Variants in MYO1B observed in about 807,000 individuals in gnomAD.
The protein encoded by MYO1B is myosin IB.
MYO1B carries 72 observed loss-of-function variants against 159.7 expected under a neutral mutation model. The ratio of observed to expected loss-of-function variants is 0.45; its 90% CI spans 0.37 to 0.55. The LOEUF (loss-of-function observed/expected upper bound fraction) is 0.55, where lower values mean the gene tolerates loss of function less well. Ranked by LOEUF, MYO1B falls within the 20% of genes least tolerant of loss-of-function variation. The pLI is 0.00. For missense variants in MYO1B, 1,062 were observed against 1,364.8 expected (o/e 0.78, Z 3.50); for synonymous variants, 468 against 473.8 (o/e 0.99, Z 0.16).
chr2:191,265,713 C>A (rs116385676), intron 1 of MYO1B, among the ~76,000 whole-genome samples: 4 of 152,132 alleles, frequency 2.6e-5, no homozygotes, highest in Non-Finnish European at 4.4e-5. Context: ...CTCGAAGGAA[C>A]GCATTGAAAA....
At chr2:191,359,312 G>GTGTT (rs1693508942) in intron 7 of MYO1B, among the ~76,000 whole-genome samples, 1 of 134,732 alleles carries the variant, frequency 7.4e-6, no homozygotes, top group South Asian at 2.4e-4. Context: ...AACCTTTGGG[G>GTGTT]TTTTTTTTTT....
At chr2:191,272,667 C>T (rs1687522242) in intron 1 of MYO1B, among the ~76,000 whole-genome samples, 1 of 152,202 alleles carries the variant, frequency 6.6e-6, no homozygotes, top group Non-Finnish European at 1.5e-5. Flanking sequence ...GCAAGCTTAT[C>T]TTTTTCTTGT....
intron 13 of MYO1B, among the ~76,000 whole-genome samples, chr2:191,378,556 G>C (rs1379808740): frequency 6.6e-6 from 1 of 152,164 alleles, no homozygotes; most frequent in Non-Finnish European, 1.5e-5. Context: ...CATCAGTTAA[G>C]GCTATTTTCA....
intron 3 of MYO1B, among the ~76,000 whole-genome samples, chr2:191,318,830 A>G (rs1690520761): frequency 6.6e-6 from 1 of 152,224 alleles, no homozygotes; most frequent in African/African-American, 2.4e-5. Context: ...TGATGGAAGC[A>G]TGCAAGAGTT....
intron 25 of MYO1B, 51 bp downstream of exon 25, chr2:191,408,240 C>A (rs755058568): frequency 1.6e-6 from 2 of 1,289,636 alleles, no homozygotes; most frequent in African/African-American, 3.0e-5. Flanking sequence ...GAATTACCCA[C>A]CTAATATCAC....
At chr2:191,262,421 T>G (rs1686872545) in intron 1 of MYO1B, among the ~76,000 whole-genome samples, 1 of 152,164 alleles carries the variant, frequency 6.6e-6, no homozygotes, top group Non-Finnish European at 1.5e-5. Context: ...TTAAGCCTCC[T>G]TTAAATTTGT....
intron 3 of MYO1B, among the ~76,000 whole-genome samples, chr2:191,325,672 C>G (rs1313415737): frequency 6.6e-6 from 1 of 152,072 alleles, no homozygotes; most frequent in East Asian, 1.9e-4. Flanking sequence ...AAGGAAATGG[C>G]AGGGTAGAGA....
At chr2:191,249,450 A>G (rs1416478131) in intron 1 of MYO1B, among the ~76,000 whole-genome samples, 1 of 152,166 alleles carries the variant, frequency 6.6e-6, no homozygotes, top group Non-Finnish European at 1.5e-5. Context: ...CTCATTCCAC[A>G]TGATTTTTGT....
At chr2:191,407,399 C>G (rs1202438273) in intron 24 of MYO1B, among the ~76,000 whole-genome samples, 4 of 152,056 alleles carry the variant, frequency 2.6e-5, no homozygotes, top group African/African-American at 9.7e-5. Flanking sequence ...GATATTTTTC[C>G]TTCAATTTCA....
In MYO1B at chr2:191,272,796, A is replaced by G. The variant is rs73981534; in HGVS notation, c.-9-4091A>G. 5.8e-3 allele frequency among the ~76,000 whole-genome samples: 878 copies of G among 152,288 alleles called. 10 individuals are homozygous for G. The highest frequency in any genetic ancestry group is 0.02 in the African/African-American group (827 of 41,560). On this transcript the variant is annotated intron_variant, in intron 1 of 30. Coordinates refer to ENST00000392318, the MANE Select transcript of MYO1B (RefSeq NM_001130158.3). Reference sequence around the variant, plus strand: ...ACCACGGGCCATGGTTTAGTCCACTATTTCACTATTAAATAGCGAAGATGA... The same window carrying G: ...ACCACGGGCCATGGTTTAGTCCACTGTTTCACTATTAAATAGCGAAGATGA...
At chr2:191,298,364 GC>G (rs1225429821) in intron 3 of MYO1B, among the ~76,000 whole-genome samples, 1 of 152,136 alleles carries the variant, frequency 6.6e-6, no homozygotes, top group Non-Finnish European at 1.5e-5. Flanking sequence ...TGATAGTTAA[GC>G]CCCTGTGATG....
chr2:191,340,093 A>G (rs1339132247), intron 4 of MYO1B, among the ~76,000 whole-genome samples: 4 of 152,102 alleles, frequency 2.6e-5, no homozygotes, highest in Admixed American at 2.6e-4. Context: ...CCTTACCTTA[A>G]CTACCCAGAC....
chr2:191,368,370 C>T (rs1360216528), intron 11 of MYO1B, among the ~76,000 whole-genome samples: 1 of 152,192 alleles, frequency 6.6e-6, no homozygotes, highest in Non-Finnish European at 1.5e-5. Flanking sequence ...TCTCCCAAGG[C>T]CAGTTCCTTG....
At chr2:191,297,215 G>A (rs4853578) in intron 3 of MYO1B, among the ~76,000 whole-genome samples, 80,530 of 151,984 alleles carry the variant, frequency 0.53, 22,080 homozygotes, top group East Asian at 0.66. Context: ...AGACTTCTCC[G>A]CTTGTTGCTT....
At chr2:191,391,881 A>G (rs1695774348) in intron 18 of MYO1B, among the ~76,000 whole-genome samples, 1 of 152,190 alleles carries the variant, frequency 6.6e-6, no homozygotes, top group South Asian at 2.1e-4. Context: ...CTTTAATACC[A>G]CATTTTCTTA....
chr2:191,301,871 A>G (rs1443507898), intron 3 of MYO1B, among the ~76,000 whole-genome samples: 1 of 152,196 alleles, frequency 6.6e-6, no homozygotes, highest in Non-Finnish European at 1.5e-5. Context: ...TCACCAACAG[A>G]TGGATCTTCT....
chr2:191,421,175 T>G (rs1280340365), intron 30 of MYO1B, among the ~76,000 whole-genome samples: 3 of 151,928 alleles, frequency 2.0e-5, no homozygotes, highest in Non-Finnish European at 4.4e-5. Flanking sequence ...GTTCAAGGGA[T>G]TCTCCTGCCT....
chr2:191,376,381 G>A (rs1195850546), intron 13 of MYO1B, among the ~76,000 whole-genome samples: 1 of 152,168 alleles, frequency 6.6e-6, no homozygotes, highest in Non-Finnish European at 1.5e-5. Flanking sequence ...CCGTGGTTAA[G>A]TGCATTATAT....
chr2:191,360,633 C>T lies in MYO1B; in HGVS notation c.565C>T (p.Leu189Phe). Residue 189 changes from leucine to phenylalanine, a missense_variant and splice_region_variant, in exon 8 of 31, where the codon CTT (leucine) becomes TTT (phenylalanine). Physicochemically the swap from Leu to Phe is conservative, Grantham distance 22. Transcript: ENST00000392318. Reference sequence around the variant, plus strand: ...TATGATTTAACTCTTCTCTTTAGATCTTTTAGAGAAATCTCGGGTTGTTAA... The same window carrying T: ...TATGATTTAACTCTTCTCTTTAGATTTTTTAGAGAAATCTCGGGTTGTTAA... ...DPLGGVISNY[L>F]LEKSRVVKQP... is the part of the protein sequence containing the mutation. 1.2e-6 allele frequency: 2 copies of T among 1,601,506 alleles called. No homozygotes were observed. The highest frequency in any genetic ancestry group is 1.7e-6 in the Non-Finnish European group (2 of 1,169,878).
Sources: allele counts gnomAD v4.1 joint callset (sites outside exome capture counted in the v4.1 genomes callset), GRCh38; gene constraint gnomAD v4.1.1; transcripts MANE v1.5; gene names NCBI Gene and HGNC (gene_info 2026-07-23, HGNC 2026-07-21).